The following PLEKHO2 variants were observed in gnomAD, a reference collection of about 807,000 sequenced individuals.
PLEKHO2 encodes the protein pleckstrin homology domain-containing family O member 2.
In PLEKHO2, 20 loss-of-function variants were observed where a neutral mutation model predicts 32.7. The ratio of observed to expected loss-of-function variants is 0.61; its 90% CI spans 0.43 to 0.89. PLEKHO2 has a LOEUF of 0.89. Among genes scored for constraint, PLEKHO2 ranks in the 40% least tolerant of loss-of-function variants. The pLI is 0.00. For synonymous variants in PLEKHO2, 247 were observed against 246.3 expected (o/e 1.00, Z -0.03); for missense variants, 568 against 621.2 (o/e 0.91, Z 0.91).
In PLEKHO2 at chr15:64,859,999, G is replaced by A. The variant is rs754349881; in HGVS notation, c.384+1G>A. ...AGGCAAAAACAAGGCTTTCGATGAG[G>A]TGCGATGCAGTCTGTGGACATGGAC... On this transcript the variant is annotated splice_donor_variant, in intron 4 of 5. Coordinates refer to ENST00000323544, the MANE Select transcript of PLEKHO2 (RefSeq NM_025201.5). LOFTEE classifies it high-confidence loss of function. 6.2e-7 allele frequency: 1 copy of A among 1,613,120 alleles called. No individual in the cohort carries two copies. Among genetic ancestry groups the A allele is most frequent in the Non-Finnish European group, 8.5e-7 (1 of 1,179,064 alleles).
rs963654784 is a variant in PLEKHO2 at position 64,865,421 on chromosome 15, C to G, written c.1006C>G (p.Pro336Ala). The G allele has an allele frequency of 4.3e-6, 7 of 1,613,928 alleles. No individual in the cohort carries two copies. Among genetic ancestry groups the G allele is most frequent in the African/African-American group, 1.3e-5 (1 of 74,930 alleles). ...GEMQASGPPAPGTVQVSVNGM... is the reference protein window; with the variant it reads ...GEMQASGPPAAGTVQVSVNGM... ...GATGCAGGCTTCTGGGCCACCTGCT[C>G]CAGGCACAGTGCAGGTCTCAGTGAA... The change falls in exon 6 of 6, where the codon CCA (proline) becomes GCA (alanine). Residue 336 changes from proline to alanine, a missense_variant. Physicochemically the swap from Pro to Ala is conservative, Grantham distance 27 (BLOSUM62 -1). Transcript: ENST00000323544.
At chr15:64,843,098 T>G (rs904843849) in intron 1 of PLEKHO2, among the ~76,000 whole-genome samples, 15 of 152,222 alleles carry the variant, frequency 9.9e-5, no homozygotes, top group Non-Finnish European at 7.3e-5. Flanking sequence ...GGACTGCCTG[T>G]GTCCCTTCAG....
chr15:64,861,061 C>A (rs1195989789), intron 4 of PLEKHO2, among the ~76,000 whole-genome samples: 2 of 152,234 alleles, frequency 1.3e-5, no homozygotes, highest in Non-Finnish European at 2.9e-5. Context: ...AGAGGCCCTG[C>A]TCTCTCTCTG....
chr15:64,865,560 C>T lies in PLEKHO2; in HGVS notation c.1145C>T (p.Pro382Leu). 2 of 1,614,168 alleles carry T rather than the reference C, an allele frequency of 1.2e-6. No individual in the cohort carries two copies. Among genetic ancestry groups the T allele is most frequent in the African/African-American group, 1.3e-5 (1 of 75,064 alleles). ...STALPPWDLP[P>L]QFHPRCSSLG... Reference sequence around the variant, plus strand: ...GCACTGCCCCCCTGGGACCTGCCACCTCAGTTCCATCCCCGCTGCTCCTCC... The same window carrying T: ...GCACTGCCCCCCTGGGACCTGCCACTTCAGTTCCATCCCCGCTGCTCCTCC... Residue 382 changes from proline (P) to leucine (L), a missense_variant, in exon 6 of 6, where the codon CCT (proline) becomes CTT (leucine). Coordinates refer to ENST00000323544, the MANE Select transcript of PLEKHO2 (RefSeq NM_025201.5).
intron 5 of PLEKHO2, among the ~76,000 whole-genome samples, chr15:64,861,876 G>A (rs756113699): frequency 7.2e-5 from 11 of 152,284 alleles, no homozygotes; most frequent in Admixed American, 2.0e-4. Flanking sequence ...CTCAGAGCTC[G>A]TCTTCCAGCT....
intron 1 of PLEKHO2, among the ~76,000 whole-genome samples, chr15:64,844,158 A>G (rs1302761110): frequency 6.6e-6 from 1 of 152,166 alleles, no homozygotes; most frequent in Non-Finnish European, 1.5e-5. Context: ...CATCTTCATC[A>G]TCTCTTTCAC....
chr15:64,860,806 G>A (rs879642359), intron 4 of PLEKHO2, among the ~76,000 whole-genome samples: 1 of 152,208 alleles, frequency 6.6e-6, no homozygotes, highest in African/African-American at 2.4e-5. Flanking sequence ...AGATATTGGG[G>A]GAGGCCATAG....
chr15:64,862,750 C>T (rs569709185), intron 5 of PLEKHO2, among the ~76,000 whole-genome samples: 48 of 152,100 alleles, frequency 3.2e-4, no homozygotes, highest in Non-Finnish European at 5.7e-4. Context: ...GCATTTACAA[C>T]ATATTTTCTT....
At position 64,866,051 on chromosome 15, in the gene PLEKHO2, C is replaced by G; in HGVS notation, c.*163C>G. ...ACCCGAAGAGACTCCTGGCGTCCTT[C>G]CTACTCTGCTCTGGCCAGTGGTGCC... On this transcript the variant is annotated 3_prime_UTR_variant, in exon 6 of 6. Transcript: ENST00000323544. 3 of 947,380 alleles carry G rather than the reference C, an allele frequency of 3.2e-6. No homozygotes were observed. The highest frequency in any genetic ancestry group is 2.6e-5 in the East Asian group (1 of 37,816). 58.7% of individuals were successfully genotyped at this position (947,380 alleles called of 1,614,324 possible).
In PLEKHO2 at chr15:64,866,780, C is replaced by T. The variant is rs1230801523; in HGVS notation, c.*892C>T. 1 of 156,466 alleles carries T rather than the reference C, an allele frequency of 6.4e-6. No individual in the cohort carries two copies. The highest frequency in any genetic ancestry group is 1.4e-5 in the Non-Finnish European group (1 of 70,788). 9.7% of individuals were successfully genotyped at this position (156,466 alleles called of 1,614,324 possible). On this transcript the variant is annotated 3_prime_UTR_variant, in exon 6 of 6. Transcript: ENST00000323544. Reference sequence around the variant, plus strand: ...TCAGCCTTCAGAAGAGAATCCCCACCAACTTCTGTGCCTCCTCAGATGGGG... The same window carrying T: ...TCAGCCTTCAGAAGAGAATCCCCACTAACTTCTGTGCCTCCTCAGATGGGG...
intron 1 of PLEKHO2, among the ~76,000 whole-genome samples, chr15:64,842,378 C>CTGTGTGTGTG (rs777446391): frequency 1.1e-3 from 26 of 22,688 alleles, no homozygotes; most frequent in African/African-American, 2.1e-3. Flanking sequence ...GATCCTGACT[C>CTGTGTGTGTG]TCTCTCTCTC....
chr15:64,858,654 T>C (rs746867015), intron 3 of PLEKHO2, among the ~76,000 whole-genome samples: 85 of 152,216 alleles, frequency 5.6e-4, no homozygotes, highest in Non-Finnish European at 3.2e-4. Flanking sequence ...ACAAACTGTT[T>C]TGTCCAGAGG....
chr15:64,854,759 G>A (rs982887292), intron 2 of PLEKHO2, among the ~76,000 whole-genome samples, 162 bp from the exon 3 acceptor site: 2 of 152,164 alleles, frequency 1.3e-5, no homozygotes, highest in Non-Finnish European at 2.9e-5. Context: ...CACTTGCCAG[G>A]GTCTGGACAC....
At chr15:64,844,135 C>G (rs2084506338) in intron 1 of PLEKHO2, among the ~76,000 whole-genome samples, 1 of 152,240 alleles carries the variant, frequency 6.6e-6, no homozygotes, top group East Asian at 1.9e-4. Flanking sequence ...TGCTCTGCCC[C>G]ATGATCCCAG....
At position 64,865,317 on chromosome 15, in the gene PLEKHO2, C is replaced by T; in HGVS notation, c.902C>T (p.Ala301Val). Residue 301 changes from alanine to valine, a missense_variant, in exon 6 of 6, where the codon GCT becomes GTT. Ala to Val is a moderately conservative substitution (Grantham distance 64). Transcript: ENST00000323544. ...SQAPCSETSEAAPREGGKPPT... is the reference protein window; with the variant it reads ...SQAPCSETSEVAPREGGKPPT... ...GCACCCTGTTCTGAGACTTCTGAGG[C>T]TGCCCCCAGGGAGGGTGGGAAGCCC... 3 of 1,613,694 alleles carry T rather than the reference C, an allele frequency of 1.9e-6. No homozygotes were observed. The highest frequency in any genetic ancestry group is 2.5e-6 in the Non-Finnish European group (3 of 1,179,718).
At position 64,866,332 on chromosome 15, in the gene PLEKHO2, A is replaced by G. The variant is rs138131002; in HGVS notation, c.*444A>G. ...CATCTCCAGCTATTCCTAGGCAAAG[A>G]GCCTCATGGCTAAGGCAGCCTCAAA... On this transcript the variant is annotated 3_prime_UTR_variant, in exon 6 of 6. Coordinates refer to ENST00000323544, the MANE Select transcript of PLEKHO2 (RefSeq NM_025201.5). 2.7e-4 allele frequency: 125 copies of G among 458,182 alleles called. 1 individual carries two copies. Among genetic ancestry groups the G allele is most frequent in the African/African-American group, 2.3e-3 (118 of 50,294 alleles). 28.4% of individuals were successfully genotyped at this position (458,182 alleles called of 1,614,324 possible).
chr15:64,850,252 G>C (rs1273401333), intron 2 of PLEKHO2, among the ~76,000 whole-genome samples: 1 of 152,124 alleles, frequency 6.6e-6, no homozygotes, highest in Non-Finnish European at 1.5e-5. Flanking sequence ...AGTCCCATGA[G>C]AGTGGTCTTC....
intron 2 of PLEKHO2, among the ~76,000 whole-genome samples, chr15:64,854,187 G>C (rs959128479): frequency 6.6e-6 from 1 of 152,254 alleles, no homozygotes; most frequent in Non-Finnish European, 1.5e-5. Context: ...AATGTCAGGA[G>C]TGGTGGGCAG....
chr15:64,865,351 C>G lies in PLEKHO2; in HGVS notation c.936C>G (p.Pro312=), dbSNP rs781429919. 1.9e-6 allele frequency: 3 copies of G among 1,613,684 alleles called. No individual in the cohort carries two copies. Among genetic ancestry groups the G allele is most frequent in the East Asian group, 2.2e-5 (1 of 44,886 alleles). ...GGGAGGGTGGGAAGCCCCCTACACC[C>G]CCACCCAAGATCTTATCAGAGAAAC... The part of the protein sequence containing the change: ...APREGGKPPT[P]PPKILSEKLK... Residue 312 remains proline (P), a synonymous_variant, in exon 6 of 6, where the codon CCC becomes CCG. Transcript: ENST00000323544.
Sources: gnomAD v4.1 joint callset for allele counts (sites outside exome capture counted in the v4.1 genomes callset) on GRCh38, gnomAD v4.1.1 for gene constraint, MANE v1.5 for transcripts, NCBI Gene and HGNC (gene_info 2026-07-23, HGNC 2026-07-21) for gene names.